ATCAY: variants seen among roughly 807,000 people sequenced by gnomAD.
ATCAY encodes ATCAY kinesin light chain interacting caytaxin.
ATCAY carries 22 observed loss-of-function variants against 47.7 expected under a neutral mutation model. The observed-to-expected ratio is 0.46, with a 90% confidence interval of 0.33 to 0.66. ATCAY has a LOEUF of 0.66. ATCAY is among the 30% of genes least tolerant of loss of function. The pLI, the probability that ATCAY is intolerant of heterozygous loss-of-function variation, is 0.02. For missense variants in ATCAY, 452 were observed against 515.0 expected, an observed-to-expected ratio of 0.88 and a Z score of 1.18; for synonymous variants, 216 against 207.6, an observed-to-expected ratio of 1.04 and a Z score of -0.35.
chr19:3,918,990 C>G, intron 11 of ATCAY, 113 bp downstream of exon 11: 1 of 1,329,006 alleles, frequency 7.5e-7, no homozygotes, highest in Non-Finnish European at 1.1e-6. Flanking sequence ...GAAAATGGAA[C>G]TAAGTGGCCG....
chr19:3,895,908 G>T (rs1277373451), intron 2 of ATCAY, among the ~76,000 whole-genome samples: 1 of 151,282 alleles, frequency 6.6e-6, no homozygotes, highest in South Asian at 2.1e-4. Flanking sequence ...GTAGAGATGG[G>T]GTCTCACTAT....
intron 10 of ATCAY, 133 bp downstream of exon 10, chr19:3,917,910 T>A: frequency 1.1e-6 from 1 of 922,256 alleles, no homozygotes; most frequent in Non-Finnish European, 1.5e-6. Context: ...GACGCTGCCC[T>A]TCTGGCAAGG....
Position 3,881,384 on chromosome 19 carries a change from GAA to G in ATCAY, c.-42+393_-42+394del, listed in dbSNP as rs397946296. Among the ~76,000 whole-genome samples, 200 of 130,308 alleles carry G rather than the reference GAA, an allele frequency of 1.5e-3. 2 individuals carry two copies. In the East Asian group the frequency reaches 0.021, roughly 14 times the overall value. The allele number at this position is 130,308 out of a possible 152,430, so 85.5% of individuals were successfully genotyped here. ...GAAGGCCACCAGCCGACGATTTCGGGAAAAAAAAAAAAAAAAAATCTAAGTGT... is the reference window on the plus strand; with the variant it reads ...GAAGGCCACCAGCCGACGATTTCGGGAAAAAAAAAAAAAAAATCTAAGTGT... On this transcript the variant is annotated intron_variant, in intron 1 of 12. Coordinates refer to ENST00000450849, the MANE Select transcript of ATCAY (RefSeq NM_033064.5).
At chr19:3,917,691 A>G (rs1240246042) in intron 9 of ATCAY, 51 bp from the exon 10 acceptor site, 2 of 1,606,132 alleles carry the variant, frequency 1.2e-6, no homozygotes, top group Non-Finnish European at 1.7e-6. Context: ...CCCAAAAAGT[A>G]TATCTCAGGG....
At chr19:3,883,357 A>G (rs1177090744) in intron 1 of ATCAY, among the ~76,000 whole-genome samples, 1 of 152,154 alleles carries the variant, frequency 6.6e-6, no homozygotes, top group African/African-American at 2.4e-5. Context: ...AAAAATGACA[A>G]CAAAAAAAGT....
At position 3,917,584 on chromosome 19, in the gene ATCAY, CAAAAAAAA is replaced by C. The variant is rs71166940; in HGVS notation, c.966-139_966-132del. On this transcript the variant is annotated intron_variant, in intron 9 of 12. Transcript: ENST00000450849. ...TGGGCGACAGTGCAAGACTCCATCTCAAAAAAAAAAAAAAAAAAAAAAAAAAGGAAGAA... is the reference window on the plus strand; with the variant it reads ...TGGGCGACAGTGCAAGACTCCATCTCAAAAAAAAAAAAAAAAAAGGAAGAA... 5.6e-4 allele frequency among the ~76,000 whole-genome samples: 23 copies of C among 40,830 alleles called. 1 individual carries two copies. The highest frequency in any genetic ancestry group is 1.5e-3 in the African/African-American group (14 of 9,588). The allele number at this position is 40,830 out of a possible 152,430, so 26.8% of individuals were successfully genotyped here.
intron 4 of ATCAY, among the ~76,000 whole-genome samples, chr19:3,906,170 CAA>C (rs71339081): frequency 1.3e-4 from 10 of 75,190 alleles, no homozygotes; most frequent in Admixed American, 1.4e-4. Context: ...GACTCCGTCT[CAA>C]AAAAAAAAAA....
chr19:3,917,860 C>T (rs2071739143), intron 10 of ATCAY, 83 bp downstream of exon 10: 3 of 1,493,004 alleles, frequency 2.0e-6, no homozygotes, highest in South Asian at 2.5e-5. Flanking sequence ...AACCCGGTGA[C>T]TTCTGGGCAG....
chr19:3,924,557 C>T, intron 12 of ATCAY, 26 bp from the exon 13 acceptor site: 1 of 1,613,770 alleles, frequency 6.2e-7, no homozygotes, highest in Non-Finnish European at 8.5e-7. Context: ...ACAGCAATAA[C>T]TTGGCCTGTG....
chr19:3,922,766 A>G (rs1185272428), intron 12 of ATCAY, among the ~76,000 whole-genome samples: 1 of 152,014 alleles, frequency 6.6e-6, no homozygotes, highest in Non-Finnish European at 1.5e-5. Flanking sequence ...TGTTTTTGAG[A>G]TGGAGTCTCG....
At position 3,907,694 on chromosome 19, in the gene ATCAY, G is replaced by A; in HGVS notation, c.359-40G>A. The A allele has an allele frequency of 1.9e-6, 3 of 1,610,432 alleles. No individual in the cohort carries two copies. The highest frequency in any genetic ancestry group is 2.5e-6 in the Non-Finnish European group (3 of 1,178,178). On this transcript the variant is annotated intron_variant, in intron 4 of 12. Coordinates refer to ENST00000450849, the MANE Select transcript of ATCAY (RefSeq NM_033064.5). This position sits in a 1 kb window ranked among gnomAD's most constrained non-coding sequence, Gnocchi z 5.1. ...TGAGCAGGAGGGCAGGAGATATCCG[G>A]ACTCTGGCGTCCATGCGACTCTCCG... is the stretch of plus-strand genomic sequence containing the variant.
chr19:3,902,821 C>T (rs989666926), intron 3 of ATCAY, among the ~76,000 whole-genome samples: 1 of 152,176 alleles, frequency 6.6e-6, no homozygotes, highest in African/African-American at 2.4e-5. Flanking sequence ...AGGTAGCGAG[C>T]TTCTCGCAGA....
rs528684296 is a variant in ATCAY at position 3,891,419 on chromosome 19, C to T, written c.77+5575C>T. 1.8e-4 allele frequency among the ~76,000 whole-genome samples: 27 copies of T among 152,112 alleles called. No homozygotes were observed. In the East Asian group the frequency reaches 2.1e-3, roughly 12 times the overall value. On this transcript the variant is annotated intron_variant, in intron 2 of 12. Coordinates refer to ENST00000450849, the MANE Select transcript of ATCAY (RefSeq NM_033064.5). ...TACGGAGCTAGAGCTGAAGGCAGCC[C>T]GGAGATTGCTGCCTCAATTTCTCCA...
At chr19:3,905,779 T>A in intron 4 of ATCAY, 124 bp downstream of exon 4, 2 of 819,494 alleles carry the variant, frequency 2.4e-6, no homozygotes, top group East Asian at 2.7e-5. Context: ...AGTCTAGCCT[T>A]AAACCCAGGA....
At position 3,912,700 on chromosome 19, in the gene ATCAY, CA is replaced by C. The variant is rs2038933805; in HGVS notation, c.867-1056del. ...TTGAAGACCAGTCTGGGCAACATAGCAAGACCTCCATCTCTACAAAAAAAAA... is the reference window on the plus strand; with the variant it reads ...TTGAAGACCAGTCTGGGCAACATAGCAGACCTCCATCTCTACAAAAAAAAA... On this transcript the variant is annotated intron_variant, in intron 8 of 12. Transcript: ENST00000450849. Among the ~76,000 whole-genome samples the C allele has an allele frequency of 2.0e-5, 3 of 151,396 alleles. No individual in the cohort carries two copies. In the South Asian group the frequency reaches 6.3e-4, roughly 32 times the overall value.
At chr19:3,892,297 G>A (rs965192861) in intron 2 of ATCAY, among the ~76,000 whole-genome samples, 1 of 151,820 alleles carries the variant, frequency 6.6e-6, no homozygotes, top group Non-Finnish European at 1.5e-5. Flanking sequence ...CCACATCCCA[G>A]GCTGAGGCGA....
Position 3,922,784 on chromosome 19 carries a change from G to A in ATCAY, c.1107-1799G>A, listed in dbSNP as rs547391215. On this transcript the variant is annotated intron_variant, in intron 12 of 12. Transcript: ENST00000450849. Reference sequence around the variant, plus strand: ...TTTTGAGATGGAGTCTCGCTCTGTCGCCCAGGCTGGAGTGCAGTGGCATGA... The same window carrying A: ...TTTTGAGATGGAGTCTCGCTCTGTCACCCAGGCTGGAGTGCAGTGGCATGA... 1.3e-4 allele frequency among the ~76,000 whole-genome samples: 20 copies of A among 151,936 alleles called. No individual in the cohort carries two copies. In the South Asian group the frequency reaches 3.7e-3, roughly 28 times the overall value.
intron 2 of ATCAY, among the ~76,000 whole-genome samples, chr19:3,899,050 G>A (rs1200844375): frequency 6.6e-6 from 1 of 152,088 alleles, no homozygotes; most frequent in Non-Finnish European, 1.5e-5. Context: ...ATGAGTTTTC[G>A]TGTGAACAGA....
intron 12 of ATCAY, among the ~76,000 whole-genome samples, chr19:3,921,429 C>T (rs925618687): frequency 4.0e-5 from 6 of 148,476 alleles, no homozygotes. Context: ...GACTTTGTCT[C>T]AAAAAAAGAA....
Sources: allele counts gnomAD v4.1 joint callset (sites outside exome capture counted in the v4.1 genomes callset), GRCh38; gene constraint gnomAD v4.1.1; non-coding constraint Gnocchi (gnomAD v3.1); transcripts MANE v1.5; gene names NCBI Gene and HGNC (gene_info 2026-07-23, HGNC 2026-07-21).